Variants in STAC observed in about 807,000 individuals in gnomAD.
The protein encoded by STAC is SH3 and cysteine rich domain.
A neutral mutation model predicts 48.8 loss-of-function variants in STAC; 43 were observed. The observed-to-expected ratio is 0.88, with a 90% CI of 0.69 to 1.14. STAC has a LOEUF of 1.14. Among genes scored for constraint, STAC ranks in the 50% most tolerant of loss-of-function variants. The pLI is 0.00. For synonymous variants in STAC, 193 were observed against 179.5 expected (o/e 1.07, Z -0.60); for missense variants, 497 against 504.0 (o/e 0.99, Z 0.13).
intron 2 of STAC, among the ~76,000 whole-genome samples, chr3:36,472,585 A>G (rs909820743): frequency 1.3e-5 from 2 of 152,220 alleles, no homozygotes; most frequent in African/African-American, 4.8e-5. Flanking sequence ...TTTGCTGCTT[A>G]GAAACTTCTT....
At chr3:36,391,845 G>T (rs1575170596) in intron 1 of STAC, among the ~76,000 whole-genome samples, 1 of 152,136 alleles carries the variant, frequency 6.6e-6, no homozygotes, top group South Asian at 2.1e-4. Flanking sequence ...GTTACAGCCA[G>T]CATGTTTTTC....
intron 2 of STAC, among the ~76,000 whole-genome samples, chr3:36,459,579 T>A (rs1009934887): frequency 3.3e-5 from 5 of 152,246 alleles, no homozygotes; most frequent in African/African-American, 1.2e-4. Flanking sequence ...GTCTCTCTTT[T>A]AATGAACTCC....
At chr3:36,456,670 T>G (rs942051355) in intron 2 of STAC, among the ~76,000 whole-genome samples, 2 of 152,112 alleles carry the variant, frequency 1.3e-5, no homozygotes, top group African/African-American at 4.8e-5. Flanking sequence ...ACAAAGCATC[T>G]CCTCCCTCAG....
At chr3:36,542,346 G>T (rs933214876) in intron 10 of STAC, among the ~76,000 whole-genome samples, 8 of 152,154 alleles carry the variant, frequency 5.3e-5, no homozygotes, top group African/African-American at 1.9e-4. Flanking sequence ...TCTAGTCCAT[G>T]AGACAGATCA....
intron 2 of STAC, among the ~76,000 whole-genome samples, chr3:36,469,483 G>C (rs1697265888): frequency 6.6e-6 from 1 of 151,982 alleles, no homozygotes; most frequent in Admixed American, 6.5e-5. Context: ...TTCATTTATA[G>C]GTTATCTGAT....
intron 8 of STAC, among the ~76,000 whole-genome samples, chr3:36,520,935 C>T (rs529239955): frequency 1.3e-5 from 2 of 152,094 alleles, no homozygotes; most frequent in Non-Finnish European, 2.9e-5. Flanking sequence ...CAGGCAGTCT[C>T]GTGGATATCA....
At chr3:36,421,536 C>T (rs528219069) in intron 1 of STAC, among the ~76,000 whole-genome samples, 184 of 152,208 alleles carry the variant, frequency 1.2e-3, no homozygotes, top group African/African-American at 4.2e-3. Context: ...TTTCACCACA[C>T]GACCTGACAC....
chr3:36,524,535 T>C (rs1043203935), intron 8 of STAC, among the ~76,000 whole-genome samples: 3 of 151,986 alleles, frequency 2.0e-5, no homozygotes, highest in African/African-American at 7.3e-5. Flanking sequence ...GAGGTTGCAG[T>C]GAACTGAGAT....
intron 1 of STAC, among the ~76,000 whole-genome samples, chr3:36,388,657 T>C (rs1699675528): frequency 6.6e-6 from 1 of 152,018 alleles, no homozygotes; most frequent in Non-Finnish European, 1.5e-5. Context: ...TATATCATTA[T>C]GTAGTATGAA....
intron 10 of STAC, among the ~76,000 whole-genome samples, chr3:36,540,509 A>AGAG (rs887745427): frequency 8.5e-5 from 13 of 152,154 alleles, no homozygotes; most frequent in African/African-American, 3.1e-4. Context: ...ATGCAGCAGA[A>AGAG]GAGGACAGAT....
rs1698387462 is a variant in STAC, at chr3:36,505,757, C to T, written c.843C>T (p.Ser281=). 1 of 1,592,768 alleles carries T rather than the reference C, an allele frequency of 6.3e-7. No homozygotes were observed. Among genetic ancestry groups the T allele is most frequent in the African/African-American group, 1.4e-5 (1 of 73,630 alleles). ...ATTTTCTCTTTCAGGGATCTCTTTC[C>T]AAAGACCCATTACAGATGAACACCT... ...AKNINHQGSL[S]KDPLQMNTYV... Residue 281 remains serine (S), a synonymous_variant, in exon 8 of 11, where the codon TCC becomes TCT. Transcript: ENST00000273183.
At chr3:36,488,932 G>A (rs749855529) in intron 5 of STAC, among the ~76,000 whole-genome samples, 2 of 151,974 alleles carry the variant, frequency 1.3e-5, no homozygotes, top group Non-Finnish European at 2.9e-5. Context: ...TGGGATATGA[G>A]TCCTGCCATT....
At chr3:36,432,502 G>T (rs1453092445) in intron 1 of STAC, among the ~76,000 whole-genome samples, 3 of 152,080 alleles carry the variant, frequency 2.0e-5, no homozygotes, top group African/African-American at 4.8e-5. Context: ...AGGAGTTCAA[G>T]ACCAGCCTGG....
chr3:36,406,175 T>G (rs1215846953), intron 1 of STAC, among the ~76,000 whole-genome samples: 2 of 152,224 alleles, frequency 1.3e-5, no homozygotes, highest in Non-Finnish European at 2.9e-5. Context: ...CAGCCTGGGT[T>G]AAATGGCCTG....
At chr3:36,444,568 G>A (rs1162357158) in intron 2 of STAC, among the ~76,000 whole-genome samples, 1 of 152,174 alleles carries the variant, frequency 6.6e-6, no homozygotes, top group African/African-American at 2.4e-5. Context: ...GGCCGGAGGT[G>A]GCACACTGTG....
At chr3:36,493,336 T>A (rs562395309) in intron 6 of STAC, 107 bp downstream of exon 6, 1 of 1,013,050 alleles carries the variant, frequency 9.9e-7, no homozygotes, top group Non-Finnish European at 1.5e-6. Context: ...GCTCTGGAAT[T>A]TAATCAGGGC....
chr3:36,486,067 T>G, intron 4 of STAC, 67 bp from the exon 5 acceptor site: 1 of 1,179,118 alleles, frequency 8.5e-7, no homozygotes, highest in Non-Finnish European at 1.2e-6. Context: ...ACCCAGGAGA[T>G]GTGGTAGGCA....
chr3:36,407,137 G>A (rs1319923754), intron 1 of STAC, among the ~76,000 whole-genome samples: 1 of 152,192 alleles, frequency 6.6e-6, no homozygotes, highest in East Asian at 1.9e-4. Context: ...ACTTAAGTGG[G>A]AGCCAGTAGG....
chr3:36,464,494 A>T lies in STAC; in HGVS notation c.389-18498A>T, dbSNP rs180851449. On this transcript the variant is annotated intron_variant, in intron 2 of 10. Transcript: ENST00000273183. ...AGGGAACAGGTGGCTTTGGTTACAT[A>T]ATAAGTTCTTTAGTGGTGATTTCTG... is the stretch of plus-strand genomic sequence containing the variant. 4.1e-3 allele frequency among the ~76,000 whole-genome samples: 623 copies of T among 152,136 alleles called. 5 individuals are homozygous for T. The highest frequency in any genetic ancestry group is 0.014 in the African/African-American group (602 of 41,528).
Sources: allele counts gnomAD v4.1 joint callset (sites outside exome capture counted in the v4.1 genomes callset), GRCh38; gene constraint gnomAD v4.1.1; transcripts MANE v1.5; gene names NCBI Gene and HGNC (gene_info 2026-07-23, HGNC 2026-07-21).